The following XDH variants were observed in gnomAD, a reference collection of about 807,000 sequenced individuals.
XDH encodes the protein xanthine dehydrogenase/oxidase.
A neutral mutation model predicts 156.1 loss-of-function variants in XDH; 138 were observed. The ratio of observed to expected loss-of-function variants is 0.88; its 90% CI spans 0.77 to 1.02. The LOEUF (loss-of-function observed/expected upper bound fraction) is 1.02, where lower values mean the gene tolerates loss of function less well. Among genes scored for constraint, XDH ranks in the 50% least tolerant of loss-of-function variants. XDH has a pLI of 0.00. For missense variants in XDH, 1,849 were observed against 1,684.9 expected, an observed-to-expected ratio of 1.10 and a Z score of -1.71; for synonymous variants, 669 against 625.7, an observed-to-expected ratio of 1.07 and a Z score of -1.03.
intron 9 of XDH, chr2:31,384,435 G>A (rs1686529684): frequency 6.4e-6 from 1 of 155,794 alleles, no homozygotes; most frequent in South Asian, 1.9e-4. Context: ...AAAATGGGAG[G>A]GAAAACTTCA....
chr2:31,391,329 T>G (rs1686756157), intron 6 of XDH, among the ~76,000 whole-genome samples: 1 of 152,212 alleles, frequency 6.6e-6, no homozygotes, highest in African/African-American at 2.4e-5. Context: ...CATTGATCTC[T>G]TTGTCCATTC....
At chr2:31,354,758 GA>G (rs904531537) in intron 24 of XDH, among the ~76,000 whole-genome samples, 23 of 150,600 alleles carry the variant, frequency 1.5e-4, no homozygotes, top group East Asian at 7.8e-4. Flanking sequence ...AATATGGAAT[GA>G]AAAAAAAATT....
rs557558925 is a variant in XDH, at chr2:31,344,697, T to C, written c.3391A>G (p.Thr1131Ala). Residue 1131 changes from threonine to alanine, a missense_variant, in exon 31 of 36, where the codon ACT (threonine) becomes GCT (alanine). Physicochemically the swap from Thr to Ala is moderately conservative, Grantham distance 58. Transcript: ENST00000379416. Reference protein sequence around the residue: ...AYMDTVSLSATGFYRTPNLGY... With the variant: ...AYMDTVSLSAAGFYRTPNLGY... Reference sequence around the variant, plus strand: ...CACCATACTTACCTATAAAACCCAGTGGCAGACAAGCTCACTGTGTCCATG... The same window carrying C: ...CACCATACTTACCTATAAAACCCAGCGGCAGACAAGCTCACTGTGTCCATG... 16 of 1,614,102 alleles carry C rather than the reference T, an allele frequency of 9.9e-6. No individual in the cohort carries two copies. Among genetic ancestry groups the C allele is most frequent in the Admixed American group, 1.7e-5 (1 of 60,016 alleles).
Position 31,403,063 on chromosome 2 carries a change from A to G in XDH, c.182T>C (p.Leu61Pro), listed in dbSNP as rs765864735. ...CAAAGGATACACGATCTTGTTCTGCAGACGATCATACTTGGAGAGCATCAC... is the reference window on the plus strand; with the variant it reads ...CAAAGGATACACGATCTTGTTCTGCGGACGATCATACTTGGAGAGCATCAC... ...CTVMLSKYDR[L>P]QNKIVHFSAN... The change falls in exon 3 of 36, where the codon CTG becomes CCG. Residue 61 changes from leucine to proline, a missense_variant. Coordinates refer to ENST00000379416, the MANE Select transcript of XDH (RefSeq NM_000379.4). 85 of 1,614,050 alleles carry G rather than the reference A, an allele frequency of 5.3e-5. No individual in the cohort carries two copies. In the Middle Eastern group the frequency reaches 1.6e-3, roughly 31 times the overall value.
intron 8 of XDH, among the ~76,000 whole-genome samples, chr2:31,387,016 GAA>G (rs1686625696): frequency 7.2e-6 from 1 of 138,658 alleles, no homozygotes; most frequent in Non-Finnish European, 1.6e-5. Flanking sequence ...AGGAAGGAAG[GAA>G]GGAAGGAAGG....
At chr2:31,382,198 G>T (rs1399656709) in intron 11 of XDH, among the ~76,000 whole-genome samples, 2 of 152,142 alleles carry the variant, frequency 1.3e-5, no homozygotes, top group Admixed American at 6.5e-5. Context: ...TAGAAAACAG[G>T]AAGAAAATCA....
At chr2:31,342,077 A>G (rs1451254729) in intron 32 of XDH, 106 bp downstream of exon 32, 18 of 1,049,020 alleles carry the variant, frequency 1.7e-5, no homozygotes, top group Non-Finnish European at 2.3e-5. Context: ...AATGGAAGGC[A>G]TTATTTTTCC....
In XDH at chr2:31,349,660, A is replaced by T. The variant is rs556318005; in HGVS notation, c.2969+26T>A. 2,867 of 1,614,100 alleles carry T rather than the reference A, an allele frequency of 1.8e-3. 46 individuals are homozygous for T. In the African/African-American group the frequency reaches 0.034, roughly 19 times the overall value. On this transcript the variant is annotated intron_variant, in intron 26 of 35. Transcript: ENST00000379416. ...GTAGGATATGAAACCCAGAAGAGCA[A>T]CTGGACTTCTACTCCTAGTGCTTAC...
At chr2:31,377,321 G>C (rs997602493) in intron 13 of XDH, 84 bp from the exon 14 acceptor site, 2 of 1,487,464 alleles carry the variant, frequency 1.3e-6, no homozygotes, top group Non-Finnish European at 1.9e-6. Flanking sequence ...GGGCTATGAG[G>C]TGAGGTGAGG....
chr2:31,393,497 CTG>C (rs1156630577), intron 6 of XDH, among the ~76,000 whole-genome samples: 1 of 152,114 alleles, frequency 6.6e-6, no homozygotes, highest in East Asian at 1.9e-4. Flanking sequence ...TTTAATCTAT[CTG>C]TGTCTTTTCA....
chr2:31,367,404 C>T (rs1397615223), intron 20 of XDH, among the ~76,000 whole-genome samples: 2 of 152,202 alleles, frequency 1.3e-5, no homozygotes, highest in Non-Finnish European at 2.9e-5. Context: ...GAGTCGGCTT[C>T]ATACCAGGCT....
chr2:31,411,957 A>AGTGAGTG (rs1687353859), intron 1 of XDH, among the ~76,000 whole-genome samples: 1 of 150,336 alleles, frequency 6.7e-6, no homozygotes, highest in Non-Finnish European at 1.5e-5. Flanking sequence ...AATGATGAGT[A>AGTGAGTG]AGTGAGTGAG....
At chr2:31,348,848 A>T in intron 27 of XDH, 51 bp downstream of exon 27, 1 of 1,530,896 alleles carries the variant, frequency 6.5e-7, no homozygotes, top group Non-Finnish European at 9.1e-7. Context: ...AACAACAGGG[A>T]AATGGGGTCC....
intron 18 of XDH, among the ~76,000 whole-genome samples, chr2:31,369,472 A>G (rs1686012012): frequency 1.3e-5 from 2 of 152,234 alleles, no homozygotes; most frequent in Non-Finnish European, 1.5e-5. Context: ...ACATCACTTT[A>G]GAAGATGAAG....
rs1197435787 is a variant in XDH, at chr2:31,368,519, C to T, written c.2100+22G>A. Reference sequence around the variant, plus strand: ...GGGACGGGGAGCTCACTCCTCTACACAGGCAGCCCATTCTCAGTTACCTCA... The same window carrying T: ...GGGACGGGGAGCTCACTCCTCTACATAGGCAGCCCATTCTCAGTTACCTCA... On this transcript the variant is annotated intron_variant, in intron 19 of 35. Coordinates refer to ENST00000379416, the MANE Select transcript of XDH (RefSeq NM_000379.4). 5 of 1,523,010 alleles carry T rather than the reference C, an allele frequency of 3.3e-6. No homozygotes were observed. The Admixed American group carries it at 5.2e-5, about 16-fold the overall frequency. The allele number at this position is 1,523,010 out of a possible 1,614,324, so 94.3% of individuals were successfully genotyped here. A position where few individuals can be genotyped will look rare whatever the true frequency, so the allele number is the denominator to read the frequency against.
chr2:31,360,646 C>T (rs1407700464), intron 24 of XDH, among the ~76,000 whole-genome samples: 1 of 152,180 alleles, frequency 6.6e-6, no homozygotes, highest in African/African-American at 2.4e-5. Context: ...CCGCTTAGTC[C>T]CGCCTTGGTT....
chr2:31,388,347 G>T (rs45501994), intron 6 of XDH, 52 bp from the exon 7 acceptor site: 18 of 1,588,024 alleles, frequency 1.1e-5, no homozygotes, highest in Non-Finnish European at 1.4e-5. Flanking sequence ...AGTATTTGCA[G>T]AAGCTAAGGA....
At chr2:31,412,810 T>C (rs1484097233) in intron 1 of XDH, among the ~76,000 whole-genome samples, 1 of 152,212 alleles carries the variant, frequency 6.6e-6, no homozygotes, top group East Asian at 1.9e-4. Flanking sequence ...TGCTTTCACA[T>C]AATTACTTTC....
Position 31,401,280 on chromosome 2 carries a change from A to T in XDH, c.246T>A (p.His82Gln). 6.2e-7 allele frequency: 1 copy of T among 1,614,222 alleles called. No homozygotes were observed. Among genetic ancestry groups the T allele is most frequent in the Non-Finnish European group, 8.5e-7 (1 of 1,180,036 alleles). The change falls in exon 4 of 36, where the codon CAT (histidine) becomes CAA (glutamine). Residue 82 changes from histidine (H) to glutamine (Q), a missense_variant. Physicochemically the swap from His to Gln is conservative, Grantham distance 24. Coordinates refer to ENST00000379416, the MANE Select transcript of XDH (RefSeq NM_000379.4). Reference protein sequence around the residue: ...ACLAPICSLHHVAVTTVEGIG... With the variant: ...ACLAPICSLHQVAVTTVEGIG... Reference sequence around the variant, plus strand: ...TTCCTTCCACAGTTGTCACTGCAACATGGTGCAAGGAGCAGATGGGGGCCA... The same window carrying T: ...TTCCTTCCACAGTTGTCACTGCAACTTGGTGCAAGGAGCAGATGGGGGCCA...
Sources: gnomAD v4.1 joint callset for allele counts (sites outside exome capture counted in the v4.1 genomes callset) on GRCh38, gnomAD v4.1.1 for gene constraint, MANE v1.5 for transcripts, NCBI Gene and HGNC (gene_info 2026-07-23, HGNC 2026-07-21) for gene names.